The following PAPOLA variants were observed in gnomAD, a reference collection of about 807,000 sequenced individuals.
PAPOLA encodes the protein poly(A) polymerase alpha.
Under a neutral mutation model 100.6 loss-of-function variants are expected in PAPOLA, and 15 were observed. That is an observed-to-expected ratio of 0.15 (90% confidence interval 0.10 to 0.23). The LOEUF is 0.23. Ranked by LOEUF, PAPOLA falls within the 10% of genes least tolerant of loss-of-function variation. PAPOLA has a pLI of 1.00. For missense variants in PAPOLA, 533 were observed against 884.2 expected (o/e 0.60, Z 5.04); for synonymous variants, 293 against 300.0 (o/e 0.98, Z 0.24).
At chr14:96,556,135 G>T in intron 18 of PAPOLA, 40 bp from the exon 19 acceptor site, 1 of 1,483,632 alleles carries the variant, frequency 6.7e-7, no homozygotes, top group South Asian at 1.1e-5. Flanking sequence ...TACTGATTTG[G>T]TTATTTTAAT....
intron 15 of PAPOLA, among the ~76,000 whole-genome samples, chr14:96,545,351 T>G (rs553127214): frequency 7.9e-5 from 12 of 152,180 alleles, no homozygotes; most frequent in Non-Finnish European, 1.0e-4. Context: ...GTGATTGCAC[T>G]TTATGTAGAA....
rs141555229 is a variant in PAPOLA, at chr14:96,531,585, C to T, written c.606C>T (p.Asn202=). The change falls in exon 7 of 22, where the codon AAC becomes AAT. Residue 202 remains asparagine, a splice_region_variant and synonymous_variant. Transcript: ENST00000216277. ...NLDIRCIRSL[N]GCRVTDEILH... ...ATATAAGATGTATAAGAAGTCTTAA[C>T]GGTATGAGAAAGCCTACTTCCTTTT... 276 of 1,599,892 alleles carry T rather than the reference C, an allele frequency of 1.7e-4. 3 individuals carry two copies. In the Middle Eastern group the frequency reaches 6.8e-3, roughly 39 times the overall value.
chr14:96,520,950 A>G, intron 2 of PAPOLA, 56 bp from the exon 3 acceptor site: 1 of 856,826 alleles, frequency 1.2e-6, no homozygotes, highest in East Asian at 2.4e-5. Flanking sequence ...TAAAACTTTA[A>G]GAAATTTAAT....
rs1304296407 is a variant in PAPOLA, at chr14:96,522,114, TTC to T, written c.249+1044_249+1045del. Among the ~76,000 whole-genome samples the T allele has an allele frequency of 5.5e-3, 504 of 91,870 alleles. 9 individuals are homozygous for T. Among genetic ancestry groups the T allele is most frequent in the African/African-American group, 0.024 (444 of 18,150 alleles). The allele number at this position is 91,870 out of a possible 152,430, so 60.3% of individuals were successfully genotyped here. A position where few individuals can be genotyped will look rare whatever the true frequency, so the allele number is the denominator to read the frequency against. On this transcript the variant is annotated intron_variant, in intron 3 of 21. Transcript: ENST00000216277. Reference sequence around the variant, plus strand: ...CACTGCATCTAGCCTCTTTCTTTCTTTCTTTTTTTTTTTTTTTTTTTTTTTTT... The same window carrying T: ...CACTGCATCTAGCCTCTTTCTTTCTTTTTTTTTTTTTTTTTTTTTTTTTTT...
At chr14:96,514,584 G>A (rs370479777) in intron 1 of PAPOLA, among the ~76,000 whole-genome samples, 8 of 152,078 alleles carry the variant, frequency 5.3e-5, no homozygotes, top group African/African-American at 9.7e-5. Context: ...CAAATATCCC[G>A]CCAAAATAAA....
intron 16 of PAPOLA, among the ~76,000 whole-genome samples, chr14:96,549,194 T>C (rs538199082): frequency 2.0e-5 from 3 of 152,198 alleles, no homozygotes; most frequent in South Asian, 4.1e-4. Context: ...GATAGGTAGA[T>C]AGATGGGGAG....
In PAPOLA at chr14:96,502,436, A is replaced by G; in HGVS notation, c.-157A>G. On this transcript the variant is annotated 5_prime_UTR_variant, in exon 1 of 22. Transcript: ENST00000216277. ...CATGTTAGGACGAAGGGGAAGGAGGAGAAGCGCTTAAAGCGGCGGGAGCGG... is the reference window on the plus strand; with the variant it reads ...CATGTTAGGACGAAGGGGAAGGAGGGGAAGCGCTTAAAGCGGCGGGAGCGG... 4.2e-6 allele frequency: 3 copies of G among 706,326 alleles called. No individual in the cohort carries two copies. The highest frequency in any genetic ancestry group is 7.7e-6 in the Non-Finnish European group (3 of 388,752). The allele number at this position is 706,326 out of a possible 1,614,324, so 43.8% of individuals were successfully genotyped here.
At chr14:96,548,690 C>T (rs1317429560) in intron 16 of PAPOLA, among the ~76,000 whole-genome samples, 1 of 151,872 alleles carries the variant, frequency 6.6e-6, no homozygotes, top group Admixed American at 6.6e-5. Flanking sequence ...ATAAAGTTTA[C>T]AAGTTTAAAA....
chr14:96,514,408 C>T (rs1897306111), intron 1 of PAPOLA, among the ~76,000 whole-genome samples: 1 of 151,786 alleles, frequency 6.6e-6, no homozygotes, highest in African/African-American at 2.4e-5. Context: ...GTCTCGATCT[C>T]CTGACGTCGT....
At position 96,565,241 on chromosome 14, in the gene PAPOLA, T is replaced by C. The variant is rs956705326; in HGVS notation, c.*191T>C. 6.8e-5 allele frequency: 33 copies of C among 488,546 alleles called. No individual in the cohort carries two copies. Among genetic ancestry groups the C allele is most frequent in the Non-Finnish European group, 1.1e-4 (30 of 270,158 alleles). 30.3% of individuals were successfully genotyped at this position (488,546 alleles called of 1,614,324 possible). Reference sequence around the variant, plus strand: ...TTAGTATGTGAAGCCAGGAGTACTATTATTATTGTGTTAGCAACAGTTGCA... The same window carrying C: ...TTAGTATGTGAAGCCAGGAGTACTACTATTATTGTGTTAGCAACAGTTGCA... On this transcript the variant is annotated 3_prime_UTR_variant, in exon 22 of 22. Transcript: ENST00000216277.
At chr14:96,554,046 A>C (rs1901083150) in intron 17 of PAPOLA, among the ~76,000 whole-genome samples, 1 of 152,204 alleles carries the variant, frequency 6.6e-6, no homozygotes, top group African/African-American at 2.4e-5. Context: ...CATTTTAATA[A>C]GAATTTTGGG....
chr14:96,504,841 G>A (rs926776933), intron 1 of PAPOLA: 12 of 152,068 alleles, frequency 7.9e-5, no homozygotes, highest in African/African-American at 2.7e-4. Context: ...TTTTTTTGAT[G>A]TGTTGGATTG....
intron 1 of PAPOLA, among the ~76,000 whole-genome samples, chr14:96,516,123 C>T (rs1897441262): frequency 6.6e-6 from 1 of 152,172 alleles, no homozygotes; most frequent in African/African-American, 2.4e-5. Flanking sequence ...AATGGAAAAT[C>T]TTCACTTCCA....
At chr14:96,513,595 A>G (rs1897245574) in intron 1 of PAPOLA, among the ~76,000 whole-genome samples, 1 of 152,192 alleles carries the variant, frequency 6.6e-6, no homozygotes, top group Non-Finnish European at 1.5e-5. Flanking sequence ...GTTTGCTTTC[A>G]TCGTGATGAA....
At chr14:96,526,404 C>G (rs1362314956) in intron 4 of PAPOLA, 2 of 152,380 alleles carry the variant, frequency 1.3e-5, no homozygotes, top group Non-Finnish European at 2.9e-5. Flanking sequence ...ACAGTCTTGG[C>G]TTACTGCACC....
Position 96,555,940 on chromosome 14 carries a change from C to T in PAPOLA, c.1758C>T (p.Ser586=), listed in dbSNP as rs745402993. The T allele has an allele frequency of 8.8e-6, 14 of 1,591,570 alleles. No individual in the cohort carries two copies. The African/African-American group carries it at 9.4e-5, about 11-fold the overall frequency. ...TGCCACAAGTAAATTCCAGTGAAAG[C>T]TCAGGGGGTAAGGAGATTGGGTTTG... is the stretch of plus-strand genomic sequence containing the variant. ...VSVPQVNSSE[S]SGGTSSESIP... is the part of the protein sequence containing the mutation. Residue 586 remains serine (S), a synonymous_variant, in exon 18 of 22, where the codon AGC becomes AGT. Transcript: ENST00000216277.
chr14:96,530,269 C>T (rs764087015), intron 6 of PAPOLA, among the ~76,000 whole-genome samples: 1 of 152,172 alleles, frequency 6.6e-6, no homozygotes, highest in East Asian at 1.9e-4. Flanking sequence ...TTACTATATC[C>T]AGTAGATGCA....
At chr14:96,540,469 C>G (rs1203481838) in intron 12 of PAPOLA, among the ~76,000 whole-genome samples, 1 of 150,036 alleles carries the variant, frequency 6.7e-6, no homozygotes, top group Non-Finnish European at 1.5e-5. Context: ...ACCTAGAAAT[C>G]AGGTTACTGA....
chr14:96,525,468 G>T (rs1218405791), intron 4 of PAPOLA, 77 bp downstream of exon 4: 1 of 638,706 alleles, frequency 1.6e-6, no homozygotes, highest in Non-Finnish European at 2.8e-6. Flanking sequence ...TCAGTTACTT[G>T]TGTATCATAT....
Sources: allele counts gnomAD v4.1 joint callset (sites outside exome capture counted in the v4.1 genomes callset), GRCh38; gene constraint gnomAD v4.1.1; transcripts MANE v1.5; gene names NCBI Gene and HGNC (gene_info 2026-07-23, HGNC 2026-07-21).